KCNK2: variants seen among roughly 807,000 people sequenced by gnomAD.
KCNK2 encodes potassium channel subfamily K member 2.
In KCNK2, 21 loss-of-function variants were observed where a neutral mutation model predicts 40.5. The ratio of observed to expected loss-of-function variants is 0.52; its 90% CI spans 0.37 to 0.75. The LOEUF (loss-of-function observed/expected upper bound fraction) is 0.75, where lower values mean the gene tolerates loss of function less well. KCNK2 is among the 30% of genes least tolerant of loss of function. The pLI, the probability that KCNK2 is intolerant of heterozygous loss-of-function variation, is 0.00. For missense variants in KCNK2, 399 were observed against 531.6 expected, an observed-to-expected ratio of 0.75 and a Z score of 2.45; for synonymous variants, 191 against 202.2, an observed-to-expected ratio of 0.94 and a Z score of 0.47.
At chr1:215,079,677 A>G (rs913047853), upstream of KCNK2, among the ~76,000 whole-genome samples, 1 of 152,216 alleles carries the variant, frequency 6.6e-6, no homozygotes, top group Non-Finnish European at 1.5e-5. Flanking sequence ...AATCCAAACC[A>G]TATCACTGAG....
At chr1:215,084,142 TA>T (rs1659315252) in intron 1 of KCNK2, among the ~76,000 whole-genome samples, 1 of 150,652 alleles carries the variant, frequency 6.6e-6, no homozygotes, top group Non-Finnish European at 1.5e-5. Context: ...GGCAACAGCT[TA>T]AAAGAATTAA....
chr1:215,147,584 C>G (rs1662481371), intron 3 of KCNK2, among the ~76,000 whole-genome samples: 1 of 152,174 alleles, frequency 6.6e-6, no homozygotes, highest in Admixed American at 6.5e-5. Context: ...GTAATCCCAG[C>G]ACTTTGGGAA....
chr1:215,070,707 C>T (rs939277070), intron 1 of KCNK2, among the ~76,000 whole-genome samples: 3 of 152,102 alleles, frequency 2.0e-5, no homozygotes, highest in Non-Finnish European at 4.4e-5. Flanking sequence ...ATGAGAGCTA[C>T]GGTTCAAGAT....
intron 3 of KCNK2, among the ~76,000 whole-genome samples, chr1:215,148,359 C>A (rs1328243733): frequency 6.6e-6 from 1 of 151,554 alleles, no homozygotes; most frequent in African/African-American, 2.4e-5. Context: ...ACAGGCATGA[C>A]CCACCATGCC....
intron 1 of KCNK2, among the ~76,000 whole-genome samples, chr1:215,066,260 A>G (rs1307852592): frequency 1.3e-5 from 2 of 152,154 alleles, no homozygotes; most frequent in African/African-American, 4.8e-5. Context: ...AACTTAAAGT[A>G]CAATAAAAAA....
chr1:215,159,535 A>C (rs1388927488), intron 3 of KCNK2, among the ~76,000 whole-genome samples: 1 of 152,164 alleles, frequency 6.6e-6, no homozygotes, highest in Non-Finnish European at 1.5e-5. Context: ...AGAAAAGTAC[A>C]TTTTTAAAGA....
chr1:215,111,041 C>T (rs1039879720), intron 2 of KCNK2, among the ~76,000 whole-genome samples: 1 of 152,042 alleles, frequency 6.6e-6, no homozygotes, highest in Non-Finnish European at 1.5e-5. Flanking sequence ...TGTTACTGTC[C>T]CCATAATTTG....
At chr1:215,146,357 T>C (rs1194199694) in intron 3 of KCNK2, among the ~76,000 whole-genome samples, 1 of 152,200 alleles carries the variant, frequency 6.6e-6, no homozygotes, top group African/African-American at 2.4e-5. Flanking sequence ...CATAAGAAAC[T>C]TGTAACTTCC....
At chr1:215,100,500 GA>G (rs1660161808) in intron 2 of KCNK2, among the ~76,000 whole-genome samples, 2 of 152,062 alleles carry the variant, frequency 1.3e-5, no homozygotes, top group South Asian at 4.1e-4. Context: ...TGAAGCCAGT[GA>G]ATATGATGGA....
intron 1 of KCNK2, among the ~76,000 whole-genome samples, chr1:215,045,139 G>A (rs1211530734): frequency 2.0e-5 from 3 of 151,686 alleles, no homozygotes; most frequent in African/African-American, 7.3e-5. Context: ...AGCCGAGATC[G>A]TGCCACTGAA....
chr1:215,035,224 T>C (rs1308094310), intron 1 of KCNK2, among the ~76,000 whole-genome samples: 1 of 152,126 alleles, frequency 6.6e-6, no homozygotes, highest in African/African-American at 2.4e-5. Flanking sequence ...TAAGAGTTGT[T>C]TGTTACAGTC....
At chr1:215,187,119 G>A (rs1664471257) in intron 5 of KCNK2, among the ~76,000 whole-genome samples, 1 of 152,080 alleles carries the variant, frequency 6.6e-6, no homozygotes, top group Non-Finnish European at 1.5e-5. Context: ...ACAGGCACAT[G>A]CCACCATACC....
rs577905227 is a variant in KCNK2, at chr1:215,109,071, T to C, written c.358-15562T>C. ...ATATAGTTCATTCTCTTAATTAATTTTTTGATACATTATATTTGTACATAG... is the reference window on the plus strand; with the variant it reads ...ATATAGTTCATTCTCTTAATTAATTCTTTGATACATTATATTTGTACATAG... On this transcript the variant is annotated intron_variant, in intron 2 of 6. Transcript: ENST00000444842. Among the ~76,000 whole-genome samples the C allele has an allele frequency of 7.6e-4, 96 of 126,512 alleles. 1 individual carries two copies. Among genetic ancestry groups the C allele is most frequent in the African/African-American group, 5.0e-3 (89 of 17,922 alleles). 83.0% of individuals were successfully genotyped at this position (126,512 alleles called of 152,430 possible). A position where few individuals can be genotyped will look rare whatever the true frequency, so the allele number is the denominator to read the frequency against.
rs574455829 is a variant in KCNK2 at position 215,144,458 on chromosome 1, G to A, written c.475+19708G>A. ...CTCCTGTCTGAGACAGACAGTAGTT[G>A]ATGAGTTTTGAATTGCTACCACAAG... On this transcript the variant is annotated intron_variant, in intron 3 of 6. Coordinates refer to ENST00000444842, the MANE Select transcript of KCNK2 (RefSeq NM_001017425.3). 2.0e-5 allele frequency among the ~76,000 whole-genome samples: 3 copies of A among 152,214 alleles called. No homozygotes were observed. The East Asian group carries it at 5.8e-4, about 29-fold the overall frequency.
rs189592678 is a variant in KCNK2 at position 215,006,024 on chromosome 1, T to G, written c.34+69T>G. The G allele has an allele frequency of 4.7e-6, 6 of 1,281,450 alleles. No homozygotes were observed. In the East Asian group the frequency reaches 1.2e-4, roughly 25 times the overall value. The allele number at this position is 1,281,450 out of a possible 1,614,324, so 79.4% of individuals were successfully genotyped here. ...TTTTCTAGAGTAGGCTGAGTAGATT[T>G]CCAAGCAAGTATTTGATGTAAGGAG... On this transcript the variant is annotated intron_variant, in intron 1 of 6. Coordinates refer to the KCNK2 transcript ENST00000391895.
intron 1 of KCNK2, among the ~76,000 whole-genome samples, chr1:215,066,108 C>T (rs1056796925): frequency 1.3e-4 from 18 of 143,464 alleles, no homozygotes; most frequent in African/African-American, 4.8e-4. Context: ...CACACCAGGG[C>T]CTGTTGGGAG....
chr1:215,061,001 A>G (rs991306151), intron 1 of KCNK2, among the ~76,000 whole-genome samples: 8 of 152,210 alleles, frequency 5.3e-5, no homozygotes, highest in African/African-American at 1.7e-4. Context: ...ATAGAAATAC[A>G]TACCTTCAAA....
chr1:215,094,695 A>G (rs1159255686), intron 2 of KCNK2, among the ~76,000 whole-genome samples: 1 of 152,130 alleles, frequency 6.6e-6, no homozygotes, highest in African/African-American at 2.4e-5. Flanking sequence ...TTTTATTATA[A>G]AACATGAAAG....
chr1:215,155,511 T>C (rs1662876808), intron 3 of KCNK2, among the ~76,000 whole-genome samples: 1 of 152,160 alleles, frequency 6.6e-6, no homozygotes, highest in Non-Finnish European at 1.5e-5. Flanking sequence ...AAGATATTTA[T>C]TTATTTATTC....
Sources: gnomAD v4.1 joint callset for allele counts (sites outside exome capture counted in the v4.1 genomes callset) on GRCh38, gnomAD v4.1.1 for gene constraint, MANE v1.5 for transcripts, NCBI Gene and HGNC (gene_info 2026-07-23, HGNC 2026-07-21) for gene names.